TTN: variants seen among roughly 807,000 people sequenced by gnomAD.
TTN encodes titin.
Under a neutral mutation model 3,223.0 loss-of-function variants are expected in TTN, and 1,525 were observed. The ratio of observed to expected loss-of-function variants is 0.47; its 90% CI spans 0.45 to 0.49. The LOEUF (loss-of-function observed/expected upper bound fraction) is 0.49. Among genes scored for constraint, TTN ranks in the 20% least tolerant of loss-of-function variants. TTN has a pLI of 0.00. For synonymous variants in TTN, 14,094 were observed against 15,161.0 expected (o/e 0.93, Z 5.17); for missense variants, 40,786 against 43,424.0 (o/e 0.94, Z 5.40).
chr2:178,710,500 A>ATTT, intron 98 of TTN, 135 bp downstream of exon 98: 1 of 1,120,292 alleles, frequency 8.9e-7, no homozygotes, highest in East Asian at 2.4e-5. Flanking sequence ...AGATAAACTT[A>ATTT]TTTCCTCTTA....
Position 178,684,995 on chromosome 2 carries a change from G to A in TTN, c.32471-6C>T, listed in dbSNP as rs763361422. 3.0e-5 allele frequency: 48 copies of A among 1,590,384 alleles called. No individual in the cohort carries two copies. The highest frequency in any genetic ancestry group is 5.2e-6 in the Non-Finnish European group (6 of 1,164,900). ...TTTCTTAGGTGCTTCAGGAACTTTA[G>A]AAAGATTAGGTTTAAGAATATGAGT... is the stretch of plus-strand genomic sequence containing the variant. On this transcript the variant is annotated splice_region_variant and splice_polypyrimidine_tract_variant and intron_variant, in intron 129 of 362. Transcript: ENST00000589042.
intron 242 of TTN, 133 bp from the exon 243 acceptor site, chr2:178,622,900 A>C (rs773883155): frequency 1.4e-5 from 10 of 715,578 alleles, no homozygotes; most frequent in African/African-American, 1.8e-5. Flanking sequence ...CTGACTTTGA[A>C]ATCACTTGAA....
chr2:178,741,445 C>G lies in TTN; in HGVS notation c.11788G>C (p.Glu3930Gln). The G allele has an allele frequency of 6.2e-7, 1 of 1,613,878 alleles. No homozygotes were observed. The highest frequency in any genetic ancestry group is 2.2e-5 in the East Asian group (1 of 44,864). Reference sequence around the variant, plus strand: ...GGAGGACAAGGACCTCCCAGCTTTTCCAGAGATTTTGCCACTGCTGATTCT... The same window carrying G: ...GGAGGACAAGGACCTCCCAGCTTTTGCAGAGATTTTGCCACTGCTGATTCT... Reference protein sequence around the residue: ...ETESAVAKSLEKLGGPCPPHF... With the variant: ...ETESAVAKSLQKLGGPCPPHF... The change falls in exon 48 of 363, where the codon GAA becomes CAA. Residue 3930 changes from glutamate (E) to glutamine (Q), a missense_variant. Transcript: ENST00000589042.
chr2:178,567,183 T>G lies in TTN; in HGVS notation c.78949A>C (p.Ser26317Arg). 6.2e-7 allele frequency: 1 copy of G among 1,613,272 alleles called. No homozygotes were observed. Among genetic ancestry groups the G allele is most frequent in the Non-Finnish European group, 8.5e-7 (1 of 1,179,426 alleles). ...TWSPPLQDGG[S>R]DISHYVVEKR... is the part of the protein sequence containing the mutation. ...TCAACAACATAGTGAGAAATGTCAC[T>G]GCCACCATCTTGAAGTGGTGGAGAC... The change falls in exon 326 of 363, where the codon AGT becomes CGT. Residue 26317 changes from serine to arginine, a missense_variant. By Grantham distance (110) the Ser-to-Arg change is moderately radical. Transcript: ENST00000589042.
Position 178,594,612 on chromosome 2 carries a change from T to G in TTN, c.57882A>C (p.Lys19294Asn). The G allele has an allele frequency of 6.2e-7, 1 of 1,611,732 alleles. No individual in the cohort carries two copies. The highest frequency in any genetic ancestry group is 1.7e-5 in the Admixed American group (1 of 59,866). ...AAGTTACAGTATTTTTAGTAACTTC[T>G]TTGACTTCCAGGTCTTCAGGACGCT... ...VPERPEDLEV[K>N]EVTKNTVTLT... The change falls in exon 296 of 363, where the codon AAA becomes AAC. Residue 19294 changes from lysine to asparagine, a missense_variant. Physicochemically the swap from Lys to Asn is moderately conservative, Grantham distance 94 (BLOSUM62 0). Transcript: ENST00000589042.
intron 19 of TTN, 27 bp downstream of exon 19, chr2:178,782,512 C>T (rs536039191): frequency 1.2e-6 from 2 of 1,613,784 alleles, no homozygotes; most frequent in African/African-American, 1.3e-5. Context: ...GGTACTAGAA[C>T]AGCTACTAAT....
In TTN at chr2:178,526,890, C is replaced by G; in HGVS notation, c.*122G>C. 2 of 865,534 alleles carry G rather than the reference C, an allele frequency of 2.3e-6. No homozygotes were observed. Among genetic ancestry groups the G allele is most frequent in the Non-Finnish European group, 1.7e-6 (1 of 590,638 alleles). The allele number at this position is 865,534 out of a possible 1,614,324, so 53.6% of individuals were successfully genotyped here. ...AAATGAATATTTTTGAACTTTGACT[C>G]ATTTAGGTTGATACAAAACTACTTT... On this transcript the variant is annotated 3_prime_UTR_variant, in exon 363 of 363. Transcript: ENST00000589042.
chr2:178,538,175 T>G (rs1692539191), intron 354 of TTN: 1 of 504,774 alleles, frequency 2.0e-6, no homozygotes, highest in African/African-American at 1.9e-5. Context: ...TGTATAGGCT[T>G]TTAAGGGACT....
chr2:178,593,203 A>G lies in TTN; in HGVS notation c.59005T>C (p.Ser19669Pro). ...EIGIGDPSPP[S>P]KPVFAKDPIA... ...GGATCTTTAGCAAAGACTGGTTTGG[A>G]TGGTGGGCTTGGATCTCCAATACCA... Residue 19669 changes from serine (S) to proline (P), a missense_variant, in exon 299 of 363, where the codon TCC becomes CCC. Coordinates refer to ENST00000589042, the MANE Select transcript of TTN (RefSeq NM_001267550.2). 6.2e-7 allele frequency: 1 copy of G among 1,613,434 alleles called. No individual in the cohort carries two copies. Among genetic ancestry groups the G allele is most frequent in the Non-Finnish European group, 8.5e-7 (1 of 1,179,610 alleles).
chr2:178,573,930 T>C lies in TTN; in HGVS notation c.72202A>G (p.Lys24068Glu), dbSNP rs766736138. Residue 24068 changes from lysine (K) to glutamate (E), a missense_variant, in exon 326 of 363, where the codon AAA becomes GAA. Transcript: ENST00000589042. ...PPTMEWSKDG[K>E]ELEGTAKLEI... The stretch of plus-strand genomic sequence containing the variant: ...AACTTTGCTGTGCCTTCCAGCTCTT[T>C]TCCATCTTTGCTCCATTCCATTGTT... 5 of 1,613,088 alleles carry C rather than the reference T, an allele frequency of 3.1e-6. No homozygotes were observed. Among genetic ancestry groups the C allele is most frequent in the Admixed American group, 3.3e-5 (2 of 59,972 alleles).
chr2:178,744,681 A>C, intron 47 of TTN: 1 of 973,306 alleles, frequency 1.0e-6, no homozygotes, highest in Non-Finnish European at 1.2e-6. Context: ...AATTCTAAAA[A>C]TATCCCACCT....
chr2:178,758,281 A>G (rs4894036), intron 44 of TTN, among the ~76,000 whole-genome samples: 149,518 of 152,304 alleles, frequency 0.98, 73,454 homozygotes, highest in Non-Finnish European at 1. Flanking sequence ...CAGTTAATGC[A>G]TAAGGTTAAG....
At chr2:178,585,010 G>C in intron 309 of TTN, 42 bp from the exon 310 acceptor site, 1 of 1,605,876 alleles carries the variant, frequency 6.2e-7, no homozygotes, top group South Asian at 1.1e-5. Flanking sequence ...ACAAGGATTT[G>C]ATACGTAAAA....
At position 178,582,856 on chromosome 2, in the gene TTN, C is replaced by A. The variant is rs1285696269; in HGVS notation, c.65863+84G>T. 3 of 1,180,350 alleles carry A rather than the reference C, an allele frequency of 2.5e-6. No homozygotes were observed. In the Admixed American group the frequency reaches 9.5e-5, roughly 37 times the overall value. The allele number at this position is 1,180,350 out of a possible 1,614,324, so 73.1% of individuals were successfully genotyped here. A position where few individuals can be genotyped will look rare whatever the true frequency, so the allele number is the denominator to read the frequency against. ...GAAATACACATTAGAATATGAATGT[C>A]TTCTCCCACATTATTCTGTAAATCC... is the stretch of plus-strand genomic sequence containing the variant. On this transcript the variant is annotated intron_variant, in intron 313 of 362. Transcript: ENST00000589042.
chr2:178,553,124 C>T lies in TTN; in HGVS notation c.89776G>A (p.Val29926Met), dbSNP rs1553541468. 1 of 1,611,904 alleles carries T rather than the reference C, an allele frequency of 6.2e-7. No individual in the cohort carries two copies. The highest frequency in any genetic ancestry group is 8.5e-7 in the Non-Finnish European group (1 of 1,178,294). ...NGVGEPKSST[V>M]SVKVLDTPAA... ...GGTGTGTCAAGCACTTTAACACTCA[C>T]AGTTGAAGACTTAGGTTCACCAACT... is the stretch of plus-strand genomic sequence containing the variant. The change falls in exon 335 of 363, where the codon GTG (valine) becomes ATG (methionine). Residue 29926 changes from valine to methionine, a missense_variant. By Grantham distance (21) the Val-to-Met change is conservative. Coordinates refer to ENST00000589042, the MANE Select transcript of TTN (RefSeq NM_001267550.2).
In TTN at chr2:178,715,166, C is replaced by G; in HGVS notation, c.26020G>C (p.Val8674Leu). The change falls in exon 90 of 363, where the codon GTT becomes CTT. Residue 8674 changes from valine (V) to leucine (L), a missense_variant. Coordinates refer to ENST00000589042, the MANE Select transcript of TTN (RefSeq NM_001267550.2). ...CELQGTPPFH[V>L]SWYKDKRELR... The stretch of plus-strand genomic sequence containing the variant: ...TCTCTCTTGTCTTTATACCAAGAAA[C>G]GTGAAATGGGGGAGTGCCCTGAAGC... 2 of 1,613,706 alleles carry G rather than the reference C, an allele frequency of 1.2e-6. No homozygotes were observed. The highest frequency in any genetic ancestry group is 1.1e-5 in the South Asian group (1 of 91,064).
At chr2:178,724,566 C>A in intron 71 of TTN, 28 bp from the exon 72 acceptor site, 1 of 1,547,078 alleles carries the variant, frequency 6.5e-7, no homozygotes, top group South Asian at 1.3e-5. Context: ...ATCCATCTGT[C>A]AAAGTCTGGG....
rs750346528 is a variant in TTN, at chr2:178,770,140, T to C, written c.8561A>G (p.Gln2854Arg). 1 of 1,614,188 alleles carries C rather than the reference T, an allele frequency of 6.2e-7. No homozygotes were observed. ...CCCAGCATCTGAGGGGGAGATGTTCTGCAGCATCAGCTTGTGGACTTTCCT... is the reference window on the plus strand; with the variant it reads ...CCCAGCATCTGAGGGGGAGATGTTCCGCAGCATCAGCTTGTGGACTTTCCT... Reference protein sequence around the residue: ...SERKVHKLMLQNISPSDAGEY... With the variant: ...SERKVHKLMLRNISPSDAGEY... Residue 2854 changes from glutamine (Q) to arginine (R), a missense_variant, in exon 36 of 363, where the codon CAG (glutamine) becomes CGG (arginine). Physicochemically the swap from Gln to Arg is conservative, Grantham distance 43. Transcript: ENST00000589042.
In TTN at chr2:178,705,335, C is replaced by G. The variant is rs1298987544; in HGVS notation, c.29443G>C (p.Ala9815Pro). The G allele has an allele frequency of 6.3e-7, 1 of 1,598,126 alleles. No homozygotes were observed. Among genetic ancestry groups the G allele is most frequent in the South Asian group, 1.1e-5 (1 of 87,858 alleles). The change falls in exon 103 of 363, where the codon GCT (alanine) becomes CCT (proline). Residue 9815 changes from alanine (A) to proline (P), a missense_variant. Coordinates refer to ENST00000589042, the MANE Select transcript of TTN (RefSeq NM_001267550.2). The stretch of plus-strand genomic sequence containing the variant: ...ATATCAATTTCCTCTTCTTCTCCAG[C>G]TCCTTTCTTTAAGATTGGAGTCCTA... ...LKKTPILKKGAGEEEEIDIME... is the reference protein window; with the variant it reads ...LKKTPILKKGPGEEEEIDIME...
Sources: gnomAD v4.1 joint callset for allele counts (sites outside exome capture counted in the v4.1 genomes callset) on GRCh38, gnomAD v4.1.1 for gene constraint, MANE v1.5 for transcripts, NCBI Gene and HGNC (gene_info 2026-07-23, HGNC 2026-07-21) for gene names.